Variants in HMGB1 observed in about 807,000 individuals in gnomAD.
HMGB1 encodes the protein high mobility group box 1, also known as high mobility group protein B1.
For missense variants in HMGB1, 79 were observed against 253.5 expected, an observed-to-expected ratio of 0.31 and a Z score of 4.67; for synonymous variants, 81 against 84.0, an observed-to-expected ratio of 0.96 and a Z score of 0.19.
At chr13:30,470,256 G>A (rs946987886), upstream of HMGB1, among the ~76,000 whole-genome samples, 3 of 152,204 alleles carry the variant, frequency 2.0e-5, no homozygotes, top group Admixed American at 2.0e-4. Flanking sequence ...AATAAAGCCC[G>A]TTGCATAAAT....
chr13:30,478,911 T>C (rs867383626), intron 1 of HMGB1, among the ~76,000 whole-genome samples: 4 of 148,242 alleles, frequency 2.7e-5, no homozygotes, highest in Middle Eastern at 3.5e-3. Context: ...CTCTGTCACC[T>C]AGGCTGGAGT....
intron 1 of HMGB1, among the ~76,000 whole-genome samples, chr13:30,508,280 G>A (rs983039302): frequency 1.3e-5 from 2 of 152,168 alleles, no homozygotes; most frequent in Non-Finnish European, 2.9e-5. Flanking sequence ...GGGAGGCTGA[G>A]GCAGGCAGAT....
chr13:30,566,459 A>G (rs1289756839), intron 1 of HMGB1, among the ~76,000 whole-genome samples: 1 of 152,204 alleles, frequency 6.6e-6, no homozygotes, highest in East Asian at 1.9e-4. Flanking sequence ...GTTCCAAAAA[A>G]ACTTTATTTG....
chr13:30,553,567 C>T, intron 1 of HMGB1: 2 of 528,840 alleles, frequency 3.8e-6, no homozygotes, highest in Non-Finnish European at 6.8e-6. Flanking sequence ...TATACAACTT[C>T]CTTGAGTAAT....
chr13:30,480,325 T>C (rs1887197523), intron 1 of HMGB1, among the ~76,000 whole-genome samples: 1 of 152,282 alleles, frequency 6.6e-6, no homozygotes, highest in Non-Finnish European at 1.5e-5. Context: ...ATTTTAGAGA[T>C]GTGTAGAATA....
chr13:30,471,892 C>T lies in HMGB1; in HGVS notation c.-14-8198G>A, dbSNP rs189839089. Among the ~76,000 whole-genome samples, 920 of 150,800 alleles carry T rather than the reference C, an allele frequency of 6.1e-3. 8 individuals are homozygous for T. The highest frequency in any genetic ancestry group is 0.021 in the African/African-American group (881 of 41,194). ...ACCATGGCCAGGCTGGTCTTGAACT[C>T]CTGACCTCAGGTGATCCGCCCGCCT... On this transcript the variant is annotated intron_variant, in intron 1 of 4. Coordinates refer to the HMGB1 transcript ENST00000405805.
intron 1 of HMGB1, among the ~76,000 whole-genome samples, chr13:30,531,573 T>C (rs1207180556): frequency 6.6e-6 from 1 of 150,970 alleles, no homozygotes; most frequent in Non-Finnish European, 1.5e-5. Flanking sequence ...GCGAAATTTT[T>C]TTCCTGAATA....
intron 1 of HMGB1, among the ~76,000 whole-genome samples, chr13:30,566,143 C>T (rs1870174162): frequency 6.6e-6 from 1 of 152,136 alleles, no homozygotes; most frequent in Non-Finnish European, 1.5e-5. Context: ...TTGGCTGCTA[C>T]TAAGTTTGGT....
intron 1 of HMGB1, among the ~76,000 whole-genome samples, chr13:30,498,624 C>A (rs931978619): frequency 1.7e-5 from 2 of 121,152 alleles, no homozygotes; most frequent in East Asian, 4.5e-4. Context: ...AAGGAATCAG[C>A]AAATTATTAT....
At chr13:30,560,632 C>A (rs1366890765) in intron 1 of HMGB1, among the ~76,000 whole-genome samples, 1 of 152,106 alleles carries the variant, frequency 6.6e-6, no homozygotes, top group Non-Finnish European at 1.5e-5. Context: ...AAAACGCACG[C>A]CTCAAGATTT....
At chr13:30,527,610 C>T (rs879366979) in intron 1 of HMGB1, among the ~76,000 whole-genome samples, 5 of 152,032 alleles carry the variant, frequency 3.3e-5, no homozygotes, top group Non-Finnish European at 5.9e-5. Context: ...AAACAGAAGG[C>T]GCCGATACAG....
intron 1 of HMGB1, among the ~76,000 whole-genome samples, chr13:30,471,750 C>T (rs1886947580): frequency 1.4e-5 from 2 of 142,384 alleles, no homozygotes; most frequent in Middle Eastern, 4.1e-3. Flanking sequence ...CTCACTGCAA[C>T]GTCCACCTCC....
chr13:30,520,667 T>C (rs1888218154), intron 1 of HMGB1, among the ~76,000 whole-genome samples: 1 of 152,218 alleles, frequency 6.6e-6, no homozygotes. Context: ...CCAAATTGTC[T>C]TCTCATTCAG....
At chr13:30,541,314 C>A (rs1417101548) in intron 1 of HMGB1, among the ~76,000 whole-genome samples, 1 of 146,436 alleles carries the variant, frequency 6.8e-6, no homozygotes, top group Non-Finnish European at 1.5e-5. Flanking sequence ...GGCAACGTAG[C>A]GAGACTCCAT....
intron 1 of HMGB1, among the ~76,000 whole-genome samples, chr13:30,545,920 T>G (rs1869136518): frequency 6.6e-6 from 1 of 152,172 alleles, no homozygotes; most frequent in South Asian, 2.1e-4. Flanking sequence ...CAAGCTGGTC[T>G]TGAACTCCTG....
intron 1 of HMGB1, among the ~76,000 whole-genome samples, chr13:30,538,129 T>C (rs1868538630): frequency 6.6e-6 from 1 of 152,222 alleles, no homozygotes; most frequent in Non-Finnish European, 1.5e-5. Context: ...ATGCTTTTCA[T>C]TTCTGTTTGT....
chr13:30,465,787 C>T lies in HMGB1; in HGVS notation c.-15+9G>A. On this transcript the variant is annotated intron_variant, in intron 1 of 4. Coordinates refer to ENST00000341423, the MANE Select transcript of HMGB1 (RefSeq NM_002128.7). ...CGCTCTCCCCGCCGCGGCGCTGCCC[C>T]AGACTCACCCTCAGCGAGGCACAGA... 1.0e-6 allele frequency: 1 copy of T among 985,744 alleles called. No homozygotes were observed. Among genetic ancestry groups the T allele is most frequent in the South Asian group, 4.7e-5 (1 of 21,292 alleles). 61.1% of individuals were successfully genotyped at this position (985,744 alleles called of 1,614,324 possible). A position where few individuals can be genotyped will look rare whatever the true frequency, so the allele number is the denominator to read the frequency against.
At position 30,519,362 on chromosome 13, in the gene HMGB1, T is replaced by C. The variant is rs566923105; in HGVS notation, c.-14-55668A>G. Among the ~76,000 whole-genome samples the C allele has an allele frequency of 4.0e-4, 48 of 121,206 alleles. No individual in the cohort carries two copies. The South Asian group carries it at 0.011, about 28-fold the overall frequency. The allele number at this position is 121,206 out of a possible 152,430, so 79.5% of individuals were successfully genotyped here. A position where few individuals can be genotyped will look rare whatever the true frequency, so the allele number is the denominator to read the frequency against. On this transcript the variant is annotated intron_variant, in intron 1 of 4. Coordinates refer to the HMGB1 transcript ENST00000405805. ...GAGCCAAGATCACACCACTGCACTC[T>C]AGCCTGAGTGACAGAGTGACACTCT...
rs963750342 is a variant in HMGB1, at chr13:30,457,858, C to T, written c.*3499G>A. On this transcript the variant is annotated 3_prime_UTR_variant, in exon 5 of 5. Coordinates refer to ENST00000341423, the MANE Select transcript of HMGB1 (RefSeq NM_002128.7). Reference sequence around the variant, plus strand: ...TTGTGGCAAGTGTTATTAGCACTGCCTTGGTATTAAGAGGACAAGAAAATG... The same window carrying T: ...TTGTGGCAAGTGTTATTAGCACTGCTTTGGTATTAAGAGGACAAGAAAATG... The T allele has an allele frequency of 2.0e-5, 3 of 149,630 alleles. No homozygotes were observed. The highest frequency in any genetic ancestry group is 7.4e-5 in the African/African-American group (3 of 40,436). The allele number at this position is 149,630 out of a possible 1,614,324, so 9.3% of individuals were successfully genotyped here.
Sources: gnomAD v4.1 joint callset for allele counts (sites outside exome capture counted in the v4.1 genomes callset) on GRCh38, gnomAD v4.1.1 for gene constraint, MANE v1.5 for transcripts, NCBI Gene and HGNC (gene_info 2026-07-23, HGNC 2026-07-21) for gene names.